PAK1: variants seen among roughly 807,000 people sequenced by gnomAD.
PAK1 encodes the protein serine/threonine-protein kinase PAK 1.
In PAK1, 29 loss-of-function variants were observed where a neutral mutation model predicts 67.4. The observed-to-expected ratio is 0.43, with a 90% confidence interval of 0.32 to 0.59. PAK1 has a LOEUF of 0.59. PAK1 is among the 20% of genes least tolerant of loss of function. The pLI, the probability that PAK1 is intolerant of heterozygous loss-of-function variation, is 0.07. For missense variants in PAK1, 337 were observed against 670.7 expected, an observed-to-expected ratio of 0.50 and a Z score of 5.50; for synonymous variants, 223 against 237.4, an observed-to-expected ratio of 0.94 and a Z score of 0.56.
intron 1 of PAK1, among the ~76,000 whole-genome samples, chr11:77,431,913 C>T (rs1955879123): frequency 6.6e-6 from 1 of 152,156 alleles, no homozygotes; most frequent in Non-Finnish European, 1.5e-5. Context: ...TAAGGTCACT[C>T]TAAAGTTCAT....
At chr11:77,502,671 C>G in the PAK1 span, among the ~76,000 whole-genome samples, 1 of 152,168 alleles carries the variant, frequency 6.6e-6, no homozygotes, top group African/African-American at 2.4e-5. Flanking sequence ...GCTTCCTGTT[C>G]CCTCTGAGTG....
chr11:77,365,720 C>A lies in PAK1; in HGVS notation c.478-6703G>T, dbSNP rs184783568. ...TGGTGGCATGCACCTGAAATCCCAG[C>A]TACTCGGGCGGCTGAGGCAAGAGAA... On this transcript the variant is annotated intron_variant, in intron 5 of 14. Coordinates refer to ENST00000356341, the MANE Select transcript of PAK1 (RefSeq NM_002576.5). 5.7e-4 allele frequency among the ~76,000 whole-genome samples: 87 copies of A among 152,002 alleles called. 1 individual carries two copies. In the East Asian group the frequency reaches 6.2e-3, roughly 11 times the overall value.
chr11:77,392,790 G>A (rs187193619), intron 1 of PAK1, among the ~76,000 whole-genome samples: 21 of 152,224 alleles, frequency 1.4e-4, no homozygotes, highest in South Asian at 2.1e-4. Flanking sequence ...TGCAAAGCAC[G>A]GAAAACCATT....
chr11:77,367,911 G>A (rs1364612438), intron 5 of PAK1, among the ~76,000 whole-genome samples: 1 of 152,190 alleles, frequency 6.6e-6, no homozygotes, highest in South Asian at 2.1e-4. Context: ...ACCGGGAAGC[G>A]GAGGTTGCAG....
intron 1 of PAK1, among the ~76,000 whole-genome samples, chr11:77,428,390 C>G (rs956213347): frequency 6.6e-6 from 1 of 151,750 alleles, no homozygotes; most frequent in Admixed American, 6.6e-5. Flanking sequence ...GGTGAAACCC[C>G]GTTGCTACTA....
At chr11:77,436,446 G>A (rs576113691) in intron 1 of PAK1, among the ~76,000 whole-genome samples, 4 of 152,308 alleles carry the variant, frequency 2.6e-5, no homozygotes, top group South Asian at 4.1e-4. Flanking sequence ...TCCCAGAAGT[G>A]CTACCAAACT....
intron 1 of PAK1, among the ~76,000 whole-genome samples, chr11:77,423,147 GA>G (rs1955361320): frequency 6.6e-6 from 1 of 151,754 alleles, no homozygotes; most frequent in East Asian, 1.9e-4. Context: ...TTACTAGTCT[GA>G]AACATTGATT....
At chr11:77,489,598 G>A in the PAK1 span, among the ~76,000 whole-genome samples, 13 of 152,126 alleles carry the variant, frequency 8.5e-5, no homozygotes, top group East Asian at 3.9e-4. Context: ...GCAGGCGCGC[G>A]CCGCCACGCC....
At chr11:77,351,564 C>T (rs530307239) in intron 8 of PAK1, among the ~76,000 whole-genome samples, 1 of 152,024 alleles carries the variant, frequency 6.6e-6, no homozygotes, top group Non-Finnish European at 1.5e-5. Context: ...TTCAAACTCA[C>T]AAAAGTATGT....
the PAK1 span, among the ~76,000 whole-genome samples, chr11:77,514,115 G>A: frequency 6.6e-6 from 1 of 152,188 alleles, no homozygotes; most frequent in Non-Finnish European, 1.5e-5. Flanking sequence ...GCTCCATGTG[G>A]CTTCCATGAA....
the PAK1 span, among the ~76,000 whole-genome samples, chr11:77,497,344 C>T: frequency 6.6e-6 from 1 of 152,116 alleles, no homozygotes; most frequent in East Asian, 1.9e-4. Context: ...CTGTATAGCC[C>T]CTAACAATTT....
intron 2 of PAK1, among the ~76,000 whole-genome samples, chr11:77,384,338 CATATCCCAGGGATATA>C (rs1181675363): frequency 6.6e-6 from 1 of 152,142 alleles, no homozygotes; most frequent in African/African-American, 2.4e-5. Context: ...CTGATGGTCC[CATATCCCAGGGATATA>C]GTATCCCTGG....
the PAK1 span, among the ~76,000 whole-genome samples, chr11:77,523,999 C>T: frequency 6.6e-6 from 1 of 152,046 alleles, no homozygotes; most frequent in African/African-American, 2.4e-5. Context: ...GGTTCTTTTA[C>T]AGCAATAGAG....
At chr11:77,343,442 T>C (rs561194547) in intron 10 of PAK1, among the ~76,000 whole-genome samples, 2 of 152,268 alleles carry the variant, frequency 1.3e-5, no homozygotes, top group African/African-American at 4.8e-5. Flanking sequence ...CACACTGCAT[T>C]TTAAGAGAAC....
intron 4 of PAK1, among the ~76,000 whole-genome samples, chr11:77,375,686 G>A (rs1471132584): frequency 6.6e-6 from 1 of 152,158 alleles, no homozygotes; most frequent in Non-Finnish European, 1.5e-5. Context: ...TTGAAAGAGA[G>A]ACCCAATGGA....
At chr11:77,414,888 T>G (rs1338981419) in intron 1 of PAK1, among the ~76,000 whole-genome samples, 7 of 152,142 alleles carry the variant, frequency 4.6e-5, no homozygotes, top group Admixed American at 2.0e-4. Context: ...AAGAAAAAAC[T>G]GACATGTTAG....
chr11:77,461,843 C>T (rs961107898), intron 1 of PAK1, among the ~76,000 whole-genome samples: 51 of 152,062 alleles, frequency 3.4e-4, no homozygotes, highest in Non-Finnish European at 5.7e-4. Context: ...CATACTAATC[C>T]AAAAGAAAAC....
At chr11:77,335,251 A>G (rs1415886188) in intron 13 of PAK1, among the ~76,000 whole-genome samples, 1 of 152,112 alleles carries the variant, frequency 6.6e-6, no homozygotes, top group East Asian at 1.9e-4. Context: ...TATACCAACT[A>G]TATATTATCT....
At chr11:77,356,169 A>G (rs1946013441) in intron 6 of PAK1, 1 of 192,468 alleles carries the variant, frequency 5.2e-6, no homozygotes, top group South Asian at 1.8e-4. Flanking sequence ...ATGCTTCCCC[A>G]AGCTAAAAGA....
Sources: gnomAD v4.1 joint callset for allele counts (sites outside exome capture counted in the v4.1 genomes callset) on GRCh38, gnomAD v4.1.1 for gene constraint, MANE v1.5 for transcripts, NCBI Gene and HGNC (gene_info 2026-07-23, HGNC 2026-07-21) for gene names.